The following MARCHF11 variants were observed in gnomAD, a reference collection of about 807,000 sequenced individuals.
MARCHF11 encodes the protein E3 ubiquitin-protein ligase MARCHF11.
MARCHF11 carries 29 observed loss-of-function variants against 37.3 expected under a neutral mutation model. The ratio of observed to expected loss-of-function variants is 0.78; its 90% CI spans 0.58 to 1.06. The LOEUF (loss-of-function observed/expected upper bound fraction) is 1.06. Among genes scored for constraint, MARCHF11 ranks in the 50% least tolerant of loss-of-function variants. The probability of loss-of-function intolerance (pLI) is 0.00; values close to 1 mark genes in which losing one functional copy is unlikely to be tolerated. For missense variants in MARCHF11, 482 were observed against 533.4 expected, an observed-to-expected ratio of 0.90 and a Z score of 0.95; for synonymous variants, 233 against 228.0, an observed-to-expected ratio of 1.02 and a Z score of -0.20.
In MARCHF11 at chr5:16,179,179, G is replaced by A. The variant is rs1738420082; in HGVS notation, c.397C>T (p.Arg133Trp). ...GTCTCGGGCTGGTCTCCGGCGCCCC[G>A]CCGCTCGCGCTCGCCGCCCGCGCCG... The part of the protein sequence containing the change: ...EAGAGGERER[R>W]GAGDQPETRS... Residue 133 changes from arginine (R) to tryptophan (W), a missense_variant, in exon 1 of 4, where the codon CGG (arginine) becomes TGG (tryptophan). Physicochemically the swap from Arg to Trp is moderately radical, Grantham distance 101. Coordinates refer to ENST00000332432, the MANE Select transcript of MARCHF11 (RefSeq NM_001102562.3). 1.5e-6 allele frequency: 2 copies of A among 1,361,032 alleles called. No individual in the cohort carries two copies. Among genetic ancestry groups the A allele is most frequent in the Non-Finnish European group, 1.9e-6 (2 of 1,064,826 alleles). The allele number at this position is 1,361,032 out of a possible 1,614,324, so 84.3% of individuals were successfully genotyped here.
intron 2 of MARCHF11, among the ~76,000 whole-genome samples, chr5:16,151,538 CTTT>C (rs1171168168): frequency 8.0e-5 from 9 of 113,196 alleles, no homozygotes; most frequent in Admixed American, 8.9e-5. Context: ...TCAGGCTGAT[CTTT>C]TTTTTTTTTT....
At chr5:16,097,449 T>A (rs937431238) in intron 2 of MARCHF11, among the ~76,000 whole-genome samples, 1 of 151,952 alleles carries the variant, frequency 6.6e-6, no homozygotes, top group African/African-American at 2.4e-5. Context: ...CTAGAGAAAA[T>A]CATTAGAAAA....
intron 2 of MARCHF11, among the ~76,000 whole-genome samples, chr5:16,176,660 A>G (rs1738370447): frequency 2.0e-5 from 3 of 152,228 alleles, no homozygotes. Flanking sequence ...GGATACAAAA[A>G]TTTTAAACTA....
intron 2 of MARCHF11, among the ~76,000 whole-genome samples, chr5:16,139,241 G>A (rs1448279711): frequency 2.6e-5 from 4 of 152,110 alleles, no homozygotes; most frequent in Non-Finnish European, 5.9e-5. Flanking sequence ...TTCCCATGCT[G>A]TTCTCATGAT....
At chr5:16,102,327 TG>T (rs1157576189) in intron 2 of MARCHF11, among the ~76,000 whole-genome samples, 1 of 152,162 alleles carries the variant, frequency 6.6e-6, no homozygotes, top group African/African-American at 2.4e-5. Context: ...AGGGAAATAC[TG>T]GGTAGAAGAG....
intron 2 of MARCHF11, among the ~76,000 whole-genome samples, chr5:16,105,151 T>G (rs2126566147): frequency 6.6e-6 from 1 of 152,312 alleles, no homozygotes; most frequent in South Asian, 2.1e-4. Context: ...CCAGTTAAAC[T>G]CCAAATCATG....
chr5:16,107,965 A>AC (rs1171294856), intron 2 of MARCHF11, among the ~76,000 whole-genome samples: 3 of 151,334 alleles, frequency 2.0e-5, no homozygotes, highest in African/African-American at 7.3e-5. Flanking sequence ...ACTCAGTAAA[A>AC]CCCCCACATA....
intron 3 of MARCHF11, among the ~76,000 whole-genome samples, chr5:16,084,582 G>A (rs1369500427): frequency 6.6e-6 from 1 of 151,940 alleles, no homozygotes; most frequent in Non-Finnish European, 1.5e-5. Flanking sequence ...GATGGATGTT[G>A]CAGTGGGCCA....
At chr5:16,161,146 A>C (rs1420399258) in intron 2 of MARCHF11, among the ~76,000 whole-genome samples, 1 of 151,308 alleles carries the variant, frequency 6.6e-6, no homozygotes, top group Non-Finnish European at 1.5e-5. Context: ...TTAACGCTTC[A>C]TTTACATTGG....
intron 2 of MARCHF11, among the ~76,000 whole-genome samples, chr5:16,137,390 T>G (rs1737626470): frequency 6.6e-6 from 1 of 152,162 alleles, no homozygotes; most frequent in Non-Finnish European, 1.5e-5. Flanking sequence ...CTGCCAAGTA[T>G]GATATGCCTT....
chr5:16,173,271 C>A (rs1738302094), intron 2 of MARCHF11, among the ~76,000 whole-genome samples: 1 of 152,154 alleles, frequency 6.6e-6, no homozygotes, highest in Non-Finnish European at 1.5e-5. Flanking sequence ...GCCATTACCC[C>A]TTCTGTGACT....
chr5:16,139,915 A>G (rs986449786), intron 2 of MARCHF11, among the ~76,000 whole-genome samples: 2 of 152,188 alleles, frequency 1.3e-5, no homozygotes, highest in Non-Finnish European at 2.9e-5. Flanking sequence ...TGTTTTCACT[A>G]TCAATAGAAA....
intron 2 of MARCHF11, among the ~76,000 whole-genome samples, chr5:16,126,738 T>C (rs950889914): frequency 2.0e-5 from 3 of 152,186 alleles, no homozygotes; most frequent in African/African-American, 7.2e-5. Flanking sequence ...AGGGTTAAGA[T>C]TCTAATGAGT....
intron 3 of MARCHF11, among the ~76,000 whole-genome samples, chr5:16,080,340 G>A (rs1179417136): frequency 1.3e-5 from 2 of 151,938 alleles, no homozygotes; most frequent in African/African-American, 2.4e-5. Flanking sequence ...TTCCAGCCAC[G>A]ATCCTCTCCC....
chr5:16,161,929 C>A (rs1024618832), intron 2 of MARCHF11, among the ~76,000 whole-genome samples: 3 of 151,906 alleles, frequency 2.0e-5, no homozygotes, highest in Non-Finnish European at 2.9e-5. Context: ...AAACTGTGGG[C>A]TTTTAACAGA....
intron 2 of MARCHF11, among the ~76,000 whole-genome samples, chr5:16,113,610 G>C (rs1737183694): frequency 6.6e-6 from 1 of 152,018 alleles, no homozygotes; most frequent in African/African-American, 2.4e-5. Context: ...ACACTTCTTA[G>C]AATCTCAACA....
At chr5:16,127,546 C>A (rs1737432119) in intron 2 of MARCHF11, among the ~76,000 whole-genome samples, 1 of 152,174 alleles carries the variant, frequency 6.6e-6, no homozygotes, top group African/African-American at 2.4e-5. Flanking sequence ...ATCTGGTGAA[C>A]CGCCTGGGTC....
At chr5:16,178,905 C>A (rs1278969551) in intron 1 of MARCHF11, 134 bp downstream of exon 1, 1 of 1,120,672 alleles carries the variant, frequency 8.9e-7, no homozygotes, top group Non-Finnish European at 1.2e-6. Context: ...GGAGCCAGCG[C>A]TCACAGGGCA....
intron 3 of MARCHF11, among the ~76,000 whole-genome samples, chr5:16,089,421 A>C (rs1736754762): frequency 2.0e-5 from 3 of 152,184 alleles, no homozygotes; most frequent in South Asian, 4.1e-4. Flanking sequence ...TTTCATATGC[A>C]TTATCACATT....
Sources: allele counts gnomAD v4.1 joint callset (sites outside exome capture counted in the v4.1 genomes callset), GRCh38; gene constraint gnomAD v4.1.1; transcripts MANE v1.5; gene names NCBI Gene and HGNC (gene_info 2026-07-23, HGNC 2026-07-21).